The following ARID4A variants were observed in gnomAD, a reference collection of about 807,000 sequenced individuals.
ARID4A encodes AT-rich interaction domain 4A.
ARID4A carries 39 observed loss-of-function variants against 148.6 expected under a neutral mutation model. That is an observed-to-expected ratio of 0.26 (90% CI 0.20 to 0.34). The LOEUF (loss-of-function observed/expected upper bound fraction) is 0.34, where lower values mean the gene tolerates loss of function less well. Among genes scored for constraint, ARID4A ranks in the 10% least tolerant of loss-of-function variants. ARID4A has a pLI of 1.00. For synonymous variants in ARID4A, 475 were observed against 481.2 expected, an observed-to-expected ratio of 0.99 and a Z score of 0.17; for missense variants, 1,265 against 1,449.1, an observed-to-expected ratio of 0.87 and a Z score of 2.06.
intron 5 of ARID4A, among the ~76,000 whole-genome samples, chr14:58,312,458 C>T (rs1001864909): frequency 6.6e-6 from 1 of 152,078 alleles, no homozygotes. Flanking sequence ...TCAAGTGATC[C>T]ACCTGCCTCT....
chr14:58,318,630 A>G lies in ARID4A; in HGVS notation c.354+9A>G. 1 of 1,614,118 alleles carries G rather than the reference A, an allele frequency of 6.2e-7. No homozygotes were observed. Among genetic ancestry groups the G allele is most frequent in the South Asian group, 1.1e-5 (1 of 91,080 alleles). On this transcript the variant is annotated intron_variant, in intron 6 of 23. Transcript: ENST00000355431. ...ATTTTGCAGAGAGTGAGGTAGGGTG[A>G]CACGGATGGACGATTTGGATTGAAC... is the stretch of plus-strand genomic sequence containing the variant.
chr14:58,300,015 T>C (rs2031006407), intron 2 of ARID4A, among the ~76,000 whole-genome samples, 155 bp downstream of exon 2: 1 of 152,182 alleles, frequency 6.6e-6, no homozygotes, highest in Non-Finnish European at 1.5e-5. Context: ...GGGTGAAAAA[T>C]GATCTGTGTG....
intron 12 of ARID4A, among the ~76,000 whole-genome samples, chr14:58,345,719 C>CT (rs869137059): frequency 0.014 from 1,071 of 75,862 alleles, 179 homozygotes; most frequent in Non-Finnish European, 0.017. Flanking sequence ...TATGCCTAAA[C>CT]TTTTTTTTTT....
At chr14:58,307,681 G>T (rs1195379925) in intron 5 of ARID4A, among the ~76,000 whole-genome samples, 1 of 152,152 alleles carries the variant, frequency 6.6e-6, no homozygotes, top group East Asian at 1.9e-4. Flanking sequence ...TTAGCTGGGT[G>T]TGGTGGTGGG....
At chr14:58,331,420 A>G (rs946255583) in intron 11 of ARID4A, 2 of 152,234 alleles carry the variant, frequency 1.3e-5, no homozygotes, top group African/African-American at 2.4e-5. Flanking sequence ...AGGGAAAGCA[A>G]ATATTTGCAA....
intron 17 of ARID4A, among the ~76,000 whole-genome samples, chr14:58,354,704 GAAAAA>G (rs983825847): frequency 7.1e-6 from 1 of 140,802 alleles, no homozygotes; most frequent in African/African-American, 2.6e-5. Context: ...AAAAAAAAAA[GAAAAA>G]AGAGATTTTG....
intron 5 of ARID4A, among the ~76,000 whole-genome samples, chr14:58,306,942 T>C (rs1287106270): frequency 6.6e-6 from 1 of 152,246 alleles, no homozygotes; most frequent in African/African-American, 2.4e-5. Flanking sequence ...AATGCATTCT[T>C]AACATTCCAT....
intron 11 of ARID4A, among the ~76,000 whole-genome samples, chr14:58,336,871 G>T (rs944092350): frequency 2.0e-5 from 3 of 151,510 alleles, no homozygotes; most frequent in African/African-American, 7.3e-5. Flanking sequence ...TCCCAAAGTG[G>T]ACTTTCTTTT....
intron 15 of ARID4A, among the ~76,000 whole-genome samples, chr14:58,350,401 G>C (rs2034581332): frequency 6.6e-6 from 1 of 152,128 alleles, no homozygotes; most frequent in South Asian, 2.1e-4. Context: ...ACTTGAAGGA[G>C]AACCTAGGAG....
At position 58,347,416 on chromosome 14, in the gene ARID4A, T is replaced by C. The variant is rs192565837; in HGVS notation, c.1173-231T>C. 2.2e-4 allele frequency among the ~76,000 whole-genome samples: 34 copies of C among 152,334 alleles called. No individual in the cohort carries two copies. The South Asian group carries it at 4.3e-3, about 19-fold the overall frequency. Reference sequence around the variant, plus strand: ...TGAACAGCCTTCATATCAAAACTTATGATAGTTATGTTTAGCTATCACAAG... The same window carrying C: ...TGAACAGCCTTCATATCAAAACTTACGATAGTTATGTTTAGCTATCACAAG... On this transcript the variant is annotated intron_variant, in intron 14 of 23. Coordinates refer to ENST00000355431, the MANE Select transcript of ARID4A (RefSeq NM_002892.4).
intron 8 of ARID4A, among the ~76,000 whole-genome samples, chr14:58,324,006 G>A (rs957605424): frequency 4.2e-5 from 6 of 143,882 alleles, no homozygotes; most frequent in East Asian, 4.3e-4. Flanking sequence ...CCGGGTTCAC[G>A]CCATTCTCCT....
chr14:58,332,597 A>G (rs960182090), intron 11 of ARID4A, among the ~76,000 whole-genome samples: 11 of 152,252 alleles, frequency 7.2e-5, no homozygotes, highest in Admixed American at 5.2e-4. Context: ...ATACTGATAA[A>G]CTGAAAAGCA....
chr14:58,370,781 T>A (rs541700742), intron 23 of ARID4A, among the ~76,000 whole-genome samples: 42 of 151,444 alleles, frequency 2.8e-4, no homozygotes, highest in African/African-American at 9.9e-4. Context: ...GCTAATTTTT[T>A]AGTTTTTTTT....
chr14:58,327,014 A>G (rs1376912349), intron 8 of ARID4A, among the ~76,000 whole-genome samples: 5 of 152,250 alleles, frequency 3.3e-5, no homozygotes, highest in Admixed American at 2.0e-4. Context: ...ACAAACAAAT[A>G]CTTCCATCTG....
intron 16 of ARID4A, 135 bp from the exon 17 acceptor site, chr14:58,353,523 C>T (rs897787834): frequency 5.5e-6 from 4 of 724,774 alleles, no homozygotes; most frequent in Non-Finnish European, 8.9e-6. Flanking sequence ...CCTTCTCCTC[C>T]TTCTTCTCCT....
chr14:58,356,841 A>G (rs924650619), intron 17 of ARID4A, among the ~76,000 whole-genome samples: 1 of 151,846 alleles, frequency 6.6e-6, no homozygotes, highest in East Asian at 1.9e-4. Context: ...AGCTGGGACT[A>G]CAGACGCACG....
At chr14:58,346,789 A>T (rs750687312) in intron 13 of ARID4A, among the ~76,000 whole-genome samples, 1 of 151,216 alleles carries the variant, frequency 6.6e-6, no homozygotes, top group African/African-American at 2.4e-5. Context: ...TTAGCCAGGC[A>T]TGGTGTCGCA....
rs531568003 is a variant in ARID4A at position 58,328,783 on chromosome 14, A to G, written c.662+467A>G. On this transcript the variant is annotated intron_variant, in intron 9 of 23. Transcript: ENST00000355431. ...GCTGAGGTGGGCAGATCATGAGCTCAGGAGATCGAGACCATTCTGGCCAAC... is the reference window on the plus strand; with the variant it reads ...GCTGAGGTGGGCAGATCATGAGCTCGGGAGATCGAGACCATTCTGGCCAAC... 2.1e-4 allele frequency among the ~76,000 whole-genome samples: 32 copies of G among 152,196 alleles called. No homozygotes were observed. The South Asian group carries it at 4.8e-3, about 23-fold the overall frequency.
chr14:58,365,420 TAAAAA>T (rs918172733), intron 20 of ARID4A, 93 bp from the exon 21 acceptor site: 118 of 1,371,474 alleles, frequency 8.6e-5, no homozygotes, highest in Admixed American at 3.1e-4. Context: ...CTTTTCTTAT[TAAAAA>T]GAAAGAAATG....
Sources: gnomAD v4.1 joint callset for allele counts (sites outside exome capture counted in the v4.1 genomes callset) on GRCh38, gnomAD v4.1.1 for gene constraint, MANE v1.5 for transcripts, NCBI Gene and HGNC (gene_info 2026-07-23, HGNC 2026-07-21) for gene names.